Variants in RBFOX1 observed in about 807,000 individuals in gnomAD.
RBFOX1 encodes the protein RNA binding fox-1 homolog 1.
RBFOX1 carries 8 observed loss-of-function variants against 57.7 expected under a neutral mutation model. The ratio of observed to expected loss-of-function variants is 0.14; its 90% CI spans 0.08 to 0.25. The LOEUF (loss-of-function observed/expected upper bound fraction) is 0.25. Among genes scored for constraint, RBFOX1 ranks in the 10% least tolerant of loss-of-function variants. The pLI, the probability that RBFOX1 is intolerant of heterozygous loss-of-function variation, is 1.00. For missense variants in RBFOX1, 611 were observed against 548.5 expected (o/e 1.11, Z -1.14); for synonymous variants, 326 against 222.4 (o/e 1.47, Z -4.15).
chr16:7,708,385 G>A (rs986511573), intron 14 of RBFOX1, among the ~76,000 whole-genome samples: 6 of 152,190 alleles, frequency 3.9e-5, no homozygotes, highest in Non-Finnish European at 7.3e-5. Flanking sequence ...ACAAAGATGA[G>A]TAAATGTCAT....
intron 3 of RBFOX1, among the ~76,000 whole-genome samples, chr16:6,946,694 C>T (rs936052411): frequency 1.3e-5 from 2 of 152,084 alleles, no homozygotes; most frequent in African/African-American, 4.8e-5. Flanking sequence ...TCTCAAACTC[C>T]TGGGCTCAAG....
chr16:6,018,631 C>G (rs1046923742), upstream of RBFOX1, among the ~76,000 whole-genome samples: 2 of 152,136 alleles, frequency 1.3e-5, no homozygotes, highest in African/African-American at 2.4e-5. Context: ...CTTTTTGAAT[C>G]TTGGATAGGG....
intron 2 of RBFOX1, among the ~76,000 whole-genome samples, chr16:6,360,010 G>T (rs751694898): frequency 6.6e-6 from 1 of 152,144 alleles, no homozygotes; most frequent in Non-Finnish European, 1.5e-5. Context: ...ATTACAGAAC[G>T]TGAGGAACAA....
At chr16:5,627,657 C>T (rs1332348922) in intron 3 of RBFOX1, among the ~76,000 whole-genome samples, 1 of 152,140 alleles carries the variant, frequency 6.6e-6, no homozygotes, top group African/African-American at 2.4e-5. Flanking sequence ...AGTTGCCCCT[C>T]TGTATCCACA....
chr16:7,232,854 T>A (rs1351035342), intron 4 of RBFOX1, among the ~76,000 whole-genome samples: 10 of 128,642 alleles, frequency 7.8e-5, no homozygotes, highest in Admixed American at 1.6e-4. Flanking sequence ...ATCTCTTAAT[T>A]AAAAAAAAAA....
At chr16:6,920,787 C>G (rs2074289884) in intron 3 of RBFOX1, among the ~76,000 whole-genome samples, 1 of 152,180 alleles carries the variant, frequency 6.6e-6, no homozygotes, top group Non-Finnish European at 1.5e-5. Context: ...TTCTCCTCCT[C>G]TTAGGAGAAC....
At chr16:7,509,390 CTGTGTGTGTGTG>C (rs34760329) in intron 4 of RBFOX1, among the ~76,000 whole-genome samples, 89 of 145,154 alleles carry the variant, frequency 6.1e-4, no homozygotes, top group East Asian at 1.6e-3. Flanking sequence ...GAGCCAAGCC[CTGTGTGTGTGTG>C]TGTGTGTGTG....
intron 2 of RBFOX1, among the ~76,000 whole-genome samples, chr16:5,524,557 T>G (rs1418352375): frequency 6.6e-6 from 1 of 151,648 alleles, no homozygotes; most frequent in East Asian, 1.9e-4. Context: ...TTTTTTTTTT[T>G]TGAGACAGAG....
At chr16:5,289,018 G>A (rs540714872) in intron 1 of RBFOX1, among the ~76,000 whole-genome samples, 4 of 152,242 alleles carry the variant, frequency 2.6e-5, no homozygotes, top group South Asian at 2.1e-4. Context: ...CCACCTACTC[G>A]GGAGGCTGAG....
intron 4 of RBFOX1, among the ~76,000 whole-genome samples, chr16:7,494,462 AT>A (rs896561189): frequency 6.6e-6 from 1 of 151,868 alleles, no homozygotes; most frequent in Admixed American, 6.6e-5. Flanking sequence ...TTGATGGATT[AT>A]TTTTTCTGGA....
At chr16:7,624,628 C>G (rs2059805313) in intron 10 of RBFOX1, among the ~76,000 whole-genome samples, 1 of 152,172 alleles carries the variant, frequency 6.6e-6, no homozygotes. Context: ...AGTTGCCTAG[C>G]TGAGCACTAG....
intron 5 of RBFOX1, among the ~76,000 whole-genome samples, chr16:7,572,000 GC>G (rs1315693788): frequency 6.6e-6 from 1 of 152,182 alleles, no homozygotes; most frequent in Non-Finnish European, 1.5e-5. Flanking sequence ...GGTGGCACAT[GC>G]CTGTAGTCCC....
At chr16:5,335,463 C>T (rs1468532545) in intron 1 of RBFOX1, among the ~76,000 whole-genome samples, 2 of 152,206 alleles carry the variant, frequency 1.3e-5, no homozygotes, top group Non-Finnish European at 2.9e-5. Context: ...CCTTCCTCTT[C>T]TCCATTGCAC....
intron 4 of RBFOX1, among the ~76,000 whole-genome samples, chr16:7,236,759 A>G (rs1433237358): frequency 2.0e-5 from 3 of 152,154 alleles, no homozygotes; most frequent in African/African-American, 4.8e-5. Flanking sequence ...ATTATTCAGC[A>G]GTCATTAAAA....
chr16:7,507,580 T>TTTTTG, intron 4 of RBFOX1, among the ~76,000 whole-genome samples: 1 of 148,394 alleles, frequency 6.7e-6, no homozygotes, highest in Non-Finnish European at 1.5e-5. Flanking sequence ...TTTTTTTTTT[T>TTTTTG]TGAGACGGAG....
intron 14 of RBFOX1, among the ~76,000 whole-genome samples, chr16:7,692,434 C>G (rs1391693451): frequency 6.6e-6 from 1 of 151,996 alleles, no homozygotes; most frequent in African/African-American, 2.4e-5. Context: ...TTGAACAAAA[C>G]CAATCATACT....
intron 2 of RBFOX1, among the ~76,000 whole-genome samples, chr16:6,445,819 G>C (rs2094473533): frequency 6.6e-6 from 1 of 152,128 alleles, no homozygotes; most frequent in Non-Finnish European, 1.5e-5. Context: ...CTGACCTCGT[G>C]ATCTGCCCTC....
intron 1 of RBFOX1, among the ~76,000 whole-genome samples, chr16:5,455,712 A>T (rs2068610587): frequency 6.6e-6 from 1 of 152,192 alleles, no homozygotes; most frequent in East Asian, 1.9e-4. Flanking sequence ...TTTAGCGGTC[A>T]CTTTCATTCT....
intron 2 of RBFOX1, among the ~76,000 whole-genome samples, chr16:6,451,475 CGGGCCAAAATCCAGTTGCTCA>C (rs1430550868): frequency 6.6e-6 from 1 of 152,106 alleles, no homozygotes; most frequent in African/African-American, 2.4e-5. Context: ...GAGACTCACT[CGGGCCAAAATCCAGTTGCTCA>C]ACACTTCCAC....
Sources: allele counts gnomAD v4.1 joint callset (sites outside exome capture counted in the v4.1 genomes callset), GRCh38; gene constraint gnomAD v4.1.1; transcripts MANE v1.5; gene names NCBI Gene and HGNC (gene_info 2026-07-23, HGNC 2026-07-21).